The following CLASRP variants were observed in gnomAD, a reference collection of about 807,000 sequenced individuals.
CLASRP encodes the protein CLK4 associating serine/arginine rich protein.
In CLASRP, 52 loss-of-function variants were observed where a neutral mutation model predicts 99.9. That is an observed-to-expected ratio of 0.52 (90% confidence interval 0.42 to 0.66). The LOEUF is 0.66. CLASRP is among the 30% of genes least tolerant of loss of function. CLASRP has a pLI of 0.00. For missense variants in CLASRP, 848 were observed against 999.2 expected (o/e 0.85, Z 2.04); for synonymous variants, 379 against 373.0 (o/e 1.02, Z -0.18).
At position 45,069,060 on chromosome 19, in the gene CLASRP, C is replaced by T. The variant is rs768365015; in HGVS notation, c.1769-6C>T. 1 of 1,613,540 alleles carries T rather than the reference C, an allele frequency of 6.2e-7. No homozygotes were observed. Among genetic ancestry groups the T allele is most frequent in the Non-Finnish European group, 8.5e-7 (1 of 1,179,766 alleles). On this transcript the variant is annotated splice_region_variant and splice_polypyrimidine_tract_variant and intron_variant, in intron 16 of 20. Coordinates refer to ENST00000221455, the MANE Select transcript of CLASRP (RefSeq NM_007056.3). The stretch of plus-strand genomic sequence containing the variant: ...CCCTCAGCCACCCTGTTCTTTCTCT[C>T]TACAGTCAAGGCGGATAAGAAGGCG...
chr19:45,060,453 A>G lies in CLASRP; in HGVS notation c.775A>G (p.Lys259Glu). 1 of 1,614,132 alleles carries G rather than the reference A, an allele frequency of 6.2e-7. No individual in the cohort carries two copies. The highest frequency in any genetic ancestry group is 8.5e-7 in the Non-Finnish European group (1 of 1,180,022). Residue 259 changes from lysine (K) to glutamate (E), a missense_variant, in exon 9 of 21, where the codon AAG (lysine) becomes GAG (glutamate). By Grantham distance (56) the Lys-to-Glu change is moderately conservative. Transcript: ENST00000221455. This position sits in a 1 kb window ranked among gnomAD's most constrained non-coding sequence, Gnocchi z 4.6. ...IKHAKALEEE[K>E]AMYSGRRSRR... ...GCATGCCAAGGCTCTTGAGGAGGAG[A>G]AGGCCATGTACTCGGTGAGGTCTGG...
In CLASRP at chr19:45,060,324, G is replaced by A. The variant is rs1049883107; in HGVS notation, c.711-65G>A. The A allele has an allele frequency of 2.8e-6, 4 of 1,454,132 alleles. No homozygotes were observed. The highest frequency in any genetic ancestry group is 1.1e-5 in the South Asian group (1 of 87,440). 90.1% of individuals were successfully genotyped at this position (1,454,132 alleles called of 1,614,324 possible). A position where few individuals can be genotyped will look rare whatever the true frequency, so the allele number is the denominator to read the frequency against. On this transcript the variant is annotated intron_variant, in intron 8 of 20. Transcript: ENST00000221455. This position sits in a 1 kb window ranked among gnomAD's most constrained non-coding sequence, Gnocchi z 4.6. ...GTCCCTCACTTTCTCTGATGACTCA[G>A]TCTGTGTCCTCCTTACCCTGTGGCC...
At position 45,060,497 on chromosome 19, in the gene CLASRP, A is replaced by G; in HGVS notation, c.789+30A>G. 1 of 1,613,604 alleles carries G rather than the reference A, an allele frequency of 6.2e-7. No homozygotes were observed. Among genetic ancestry groups the G allele is most frequent in the South Asian group, 1.1e-5 (1 of 91,066 alleles). On this transcript the variant is annotated intron_variant, in intron 9 of 20. Transcript: ENST00000221455. This position sits in a 1 kb window ranked among gnomAD's most constrained non-coding sequence, Gnocchi z 4.6. ...GGTCTGGGCTGGAGTGGAAGGGGAC[A>G]GGGGTGTGTCACAGGGAGGGCACCC...
chr19:45,064,390 C>T lies in CLASRP; in HGVS notation c.1169C>T (p.Ser390Phe). The change falls in exon 13 of 21, where the codon TCC (serine) becomes TTC (phenylalanine). Residue 390 changes from serine to phenylalanine, a missense_variant. Coordinates refer to ENST00000221455, the MANE Select transcript of CLASRP (RefSeq NM_007056.3). ...SSSSSSASRTSSSRSSSRSSS... is the reference protein window; with the variant it reads ...SSSSSSASRTFSSRSSSRSSS... ...TCCTCCTCTTCTGCCTCGAGGACCT[C>T]CAGCTCCCGCTCCAGCTCTCGCTCC... The T allele has an allele frequency of 6.5e-7, 1 of 1,532,130 alleles. No individual in the cohort carries two copies. The allele number at this position is 1,532,130 out of a possible 1,614,324, so 94.9% of individuals were successfully genotyped here. A position where few individuals can be genotyped will look rare whatever the true frequency, so the allele number is the denominator to read the frequency against.
In CLASRP at chr19:45,053,251, A is replaced by G. The variant is rs923379259; in HGVS notation, c.379+74A>G. Reference sequence around the variant, plus strand: ...CTGGAAGACCTAGATAGGTTTGGGAAGAAAAGTTTTATCCACATACTTTCT... The same window carrying G: ...CTGGAAGACCTAGATAGGTTTGGGAGGAAAAGTTTTATCCACATACTTTCT... On this transcript the variant is annotated intron_variant, in intron 5 of 20. Transcript: ENST00000221455. 7.4e-6 allele frequency: 11 copies of G among 1,489,480 alleles called. No individual in the cohort carries two copies. The African/African-American group carries it at 1.5e-4, about 21-fold the overall frequency. The allele number at this position is 1,489,480 out of a possible 1,614,324, so 92.3% of individuals were successfully genotyped here. A position where few individuals can be genotyped will look rare whatever the true frequency, so the allele number is the denominator to read the frequency against.
At chr19:45,059,226 C>T in intron 7 of CLASRP, 42 bp from the exon 8 acceptor site, 1 of 1,548,342 alleles carries the variant, frequency 6.5e-7, no homozygotes, top group South Asian at 1.2e-5. Flanking sequence ...CCCCTGTCCT[C>T]TCGCTCGGCC....
At chr19:45,063,534 C>T (rs987278821) in intron 11 of CLASRP, among the ~76,000 whole-genome samples, 2 of 146,758 alleles carry the variant, frequency 1.4e-5, no homozygotes, top group African/African-American at 5.1e-5. Flanking sequence ...CAACCTCTGC[C>T]TCCCAGGTTC....
rs1967163919 is a variant in CLASRP, at chr19:45,068,918, G to A, written c.1769-148G>A. Reference sequence around the variant, plus strand: ...AGGCAGGAGATGGCGCGAACCCGGGGGGCGGAGCCTGCAGTGAGCCAAGAT... The same window carrying A: ...AGGCAGGAGATGGCGCGAACCCGGGAGGCGGAGCCTGCAGTGAGCCAAGAT... On this transcript the variant is annotated intron_variant, in intron 16 of 20. Coordinates refer to ENST00000221455, the MANE Select transcript of CLASRP (RefSeq NM_007056.3). 28 of 730,276 alleles carry A rather than the reference G, an allele frequency of 3.8e-5. 1 individual carries two copies. Among genetic ancestry groups the A allele is most frequent in the South Asian group, 2.8e-4 (16 of 58,168 alleles). 45.2% of individuals were successfully genotyped at this position (730,276 alleles called of 1,614,324 possible).
intron 7 of CLASRP, 148 bp downstream of exon 7, chr19:45,058,046 T>C (rs1404026627): frequency 1.7e-5 from 16 of 937,700 alleles, no homozygotes; most frequent in Non-Finnish European, 1.6e-6. Flanking sequence ...CTGCTGCCCC[T>C]GTCTCACTCC....
At position 45,060,356 on chromosome 19, in the gene CLASRP, A is replaced by C; in HGVS notation, c.711-33A>C. The C allele has an allele frequency of 6.2e-7, 1 of 1,602,836 alleles. No individual in the cohort carries two copies. The highest frequency in any genetic ancestry group is 1.3e-5 in the African/African-American group (1 of 74,766). ...TCCTCCTTACCCTGTGGCCTGCCCC[A>C]TCCTCCACCCTAATTCTCACCCACC... On this transcript the variant is annotated intron_variant, in intron 8 of 20. Coordinates refer to ENST00000221455, the MANE Select transcript of CLASRP (RefSeq NM_007056.3). This position sits in a 1 kb window ranked among gnomAD's most constrained non-coding sequence, Gnocchi z 4.6.
chr19:45,065,675 C>T (rs1967070136), intron 13 of CLASRP, among the ~76,000 whole-genome samples: 1 of 152,146 alleles, frequency 6.6e-6, no homozygotes, highest in African/African-American at 2.4e-5. Flanking sequence ...CCTTCCGGTC[C>T]CCTTGCCTGT....
Position 45,068,727 on chromosome 19 carries a change from G to A in CLASRP, c.1768+247G>A, listed in dbSNP as rs1416540053. ...AGAGAGTGGGGCTCTTAGCGGGCAC[G>A]GTGGCTCACACCTGTAATCCCAGCA... On this transcript the variant is annotated intron_variant, in intron 16 of 20. Coordinates refer to ENST00000221455, the MANE Select transcript of CLASRP (RefSeq NM_007056.3). 5.3e-5 allele frequency among the ~76,000 whole-genome samples: 8 copies of A among 150,832 alleles called. No individual in the cohort carries two copies. The South Asian group carries it at 6.3e-4, about 12-fold the overall frequency.
chr19:45,070,655 C>A, intron 20 of CLASRP, 94 bp downstream of exon 20: 1 of 1,353,714 alleles, frequency 7.4e-7, no homozygotes, highest in Non-Finnish European at 1.1e-6. Context: ...CACCCTGTAC[C>A]CACCTCCAGT....
chr19:45,042,667 C>T (rs1269988196), intron 2 of CLASRP, among the ~76,000 whole-genome samples: 1 of 151,258 alleles, frequency 6.6e-6, no homozygotes, highest in Admixed American at 6.6e-5. Context: ...GGCTGGAGTG[C>T]AGTGGCATGA....
chr19:45,044,907 T>C (rs1215859433), intron 2 of CLASRP, among the ~76,000 whole-genome samples: 1 of 152,194 alleles, frequency 6.6e-6, no homozygotes, highest in East Asian at 1.9e-4. Context: ...CGTGGGCAAG[T>C]GACTGCCTCC....
At chr19:45,046,789 A>T (rs1971925417) in intron 2 of CLASRP, among the ~76,000 whole-genome samples, 1 of 152,208 alleles carries the variant, frequency 6.6e-6, no homozygotes, top group Non-Finnish European at 1.5e-5. Context: ...ACACTTTGGG[A>T]GGCTGAGGTG....
In CLASRP at chr19:45,060,443, TGAGGAG is replaced by T. The variant is rs1213587871; in HGVS notation, c.769_774del (p.Glu257_Glu258del). 6.2e-7 allele frequency: 1 copy of T among 1,614,028 alleles called. No individual in the cohort carries two copies. Among genetic ancestry groups the T allele is most frequent in the Non-Finnish European group, 8.5e-7 (1 of 1,179,984 alleles). On this transcript the variant is annotated inframe_deletion, in exon 9 of 21. Transcript: ENST00000221455. This position sits in a 1 kb window ranked among gnomAD's most constrained non-coding sequence, Gnocchi z 4.6. ...AGGCCATCAAGCATGCCAAGGCTCTTGAGGAGGAGAAGGCCATGTACTCGGTGAGGT... is the reference window on the plus strand; with the variant it reads ...AGGCCATCAAGCATGCCAAGGCTCTTGAGAAGGCCATGTACTCGGTGAGGT...
In CLASRP at chr19:45,060,497, AG is replaced by A; in HGVS notation, c.789+34del. 6.2e-7 allele frequency: 1 copy of A among 1,613,604 alleles called. No individual in the cohort carries two copies. Among genetic ancestry groups the A allele is most frequent in the Middle Eastern group, 1.7e-4 (1 of 6,054 alleles). ...GGTCTGGGCTGGAGTGGAAGGGGAC[AG>A]GGGTGTGTCACAGGGAGGGCACCCC... is the stretch of plus-strand genomic sequence containing the variant. On this transcript the variant is annotated intron_variant, in intron 9 of 20. Coordinates refer to ENST00000221455, the MANE Select transcript of CLASRP (RefSeq NM_007056.3). This position sits in a 1 kb window ranked among gnomAD's most constrained non-coding sequence, Gnocchi z 4.6.
At chr19:45,044,241 A>G (rs1971871649) in intron 2 of CLASRP, among the ~76,000 whole-genome samples, 1 of 152,236 alleles carries the variant, frequency 6.6e-6, no homozygotes, top group Admixed American at 6.5e-5. Context: ...AGCTTGGCAT[A>G]GTAGTCCTCT....
Sources: gnomAD v4.1 joint callset for allele counts (sites outside exome capture counted in the v4.1 genomes callset) on GRCh38, gnomAD v4.1.1 for gene constraint, Gnocchi (gnomAD v3.1) non-coding constraint, MANE v1.5 for transcripts, NCBI Gene and HGNC (gene_info 2026-07-23, HGNC 2026-07-21) for gene names.